Variants in ADGRL2 observed in about 807,000 individuals in gnomAD.
ADGRL2 encodes the protein calcium-independent alpha-latrotoxin receptor 2.
A neutral mutation model predicts 157.4 loss-of-function variants in ADGRL2; 44 were observed. The observed-to-expected ratio is 0.28, with a 90% CI of 0.22 to 0.36. The LOEUF is 0.36. ADGRL2 is among the 10% of genes least tolerant of loss of function. ADGRL2 has a pLI of 1.00. For missense variants in ADGRL2, 1,510 were observed against 1,768.9 expected (o/e 0.85, Z 2.63); for synonymous variants, 585 against 624.7 (o/e 0.94, Z 0.95).
chr1:81,739,348 T>C (rs914701637), intron 1 of ADGRL2, among the ~76,000 whole-genome samples: 2 of 152,170 alleles, frequency 1.3e-5, no homozygotes, highest in Non-Finnish European at 2.9e-5. Context: ...AATGAGATTA[T>C]ACATGTATGC....
chr1:81,766,441 T>C (rs1386275569), intron 2 of ADGRL2, among the ~76,000 whole-genome samples: 4 of 152,202 alleles, frequency 2.6e-5, no homozygotes, highest in South Asian at 2.1e-4. Context: ...TGATGTGTTA[T>C]TGAATTGTAT....
At chr1:81,584,149 G>A (rs1317331680) in intron 3 of ADGRL2, among the ~76,000 whole-genome samples, 2 of 152,106 alleles carry the variant, frequency 1.3e-5, no homozygotes, top group East Asian at 1.9e-4. Flanking sequence ...AGGGCCATTC[G>A]TGACAAACAG....
intron 1 of ADGRL2, among the ~76,000 whole-genome samples, chr1:81,730,227 C>T (rs575473134): frequency 7.0e-4 from 106 of 152,288 alleles, no homozygotes; most frequent in Non-Finnish European, 1.3e-3. Context: ...CACATTGTAA[C>T]AAATACCATT....
intron 4 of ADGRL2, among the ~76,000 whole-genome samples, chr1:81,939,396 G>C (rs1268818132): frequency 1.3e-5 from 2 of 151,512 alleles, no homozygotes; most frequent in Non-Finnish European, 3.0e-5. Flanking sequence ...TTTGCATCCT[G>C]CAAGCAGGAT....
chr1:81,702,395 C>T (rs2083600864), intron 1 of ADGRL2, among the ~76,000 whole-genome samples: 1 of 152,190 alleles, frequency 6.6e-6, no homozygotes, highest in South Asian at 2.1e-4. Context: ...CTCATACATA[C>T]CACCTAAGCT....
chr1:81,649,076 T>A (rs1052334519), intron 3 of ADGRL2, among the ~76,000 whole-genome samples: 3 of 152,100 alleles, frequency 2.0e-5, no homozygotes, highest in African/African-American at 7.2e-5. Flanking sequence ...TCAAACTAAA[T>A]ACCCAAAGAA....
intron 1 of ADGRL2, among the ~76,000 whole-genome samples, chr1:81,329,347 A>G (rs1661120132): frequency 6.6e-6 from 1 of 152,030 alleles, no homozygotes; most frequent in Admixed American, 6.6e-5. Context: ...CCCTATTTTG[A>G]AAGGAGGCTG....
chr1:81,713,001 G>A (rs983707626), intron 1 of ADGRL2, among the ~76,000 whole-genome samples: 6 of 151,900 alleles, frequency 3.9e-5, no homozygotes, highest in Non-Finnish European at 7.4e-5. Flanking sequence ...CAGGTGATCC[G>A]CCCATCTTGG....
intron 2 of ADGRL2, among the ~76,000 whole-genome samples, chr1:81,449,749 G>A (rs2077671477): frequency 6.6e-6 from 1 of 152,062 alleles, no homozygotes; most frequent in Admixed American, 6.6e-5. Context: ...CTACAGGCAT[G>A]TACCACCATT....
chr1:81,794,438 G>A (rs1359954558), intron 2 of ADGRL2, among the ~76,000 whole-genome samples: 2 of 152,114 alleles, frequency 1.3e-5, no homozygotes, highest in Non-Finnish European at 2.9e-5. Flanking sequence ...AAAACCATTC[G>A]AAGAATATAT....
At chr1:81,382,294 C>T (rs1366832005) in intron 1 of ADGRL2, among the ~76,000 whole-genome samples, 1 of 152,106 alleles carries the variant, frequency 6.6e-6, no homozygotes, top group Non-Finnish European at 1.5e-5. Flanking sequence ...ATTTAAAAAT[C>T]ACCCAGATTG....
chr1:81,872,769 T>G lies in ADGRL2; in HGVS notation c.74-34248T>G, dbSNP rs144181742. Reference sequence around the variant, plus strand: ...ATATCTACATGGATATTTTTCTGGATTTTTAAGGACTAATACATAAACAAT... The same window carrying G: ...ATATCTACATGGATATTTTTCTGGAGTTTTAAGGACTAATACATAAACAAT... On this transcript the variant is annotated intron_variant, in intron 2 of 23. Transcript: ENST00000686636. Among the ~76,000 whole-genome samples, 614 of 152,252 alleles carry G rather than the reference T, an allele frequency of 4.0e-3. 4 individuals are homozygous for G. The highest frequency in any genetic ancestry group is 0.013 in the African/African-American group (554 of 41,566).
intron 3 of ADGRL2, among the ~76,000 whole-genome samples, chr1:81,668,735 T>TG (rs1262994839): frequency 6.6e-6 from 1 of 151,448 alleles, no homozygotes; most frequent in Non-Finnish European, 1.5e-5. Flanking sequence ...GCTAATTTTT[T>TG]TTTTTTGTAT....
intron 2 of ADGRL2, among the ~76,000 whole-genome samples, chr1:81,448,666 T>C (rs1453306005): frequency 2.0e-5 from 3 of 151,784 alleles, no homozygotes; most frequent in Non-Finnish European, 4.4e-5. Context: ...CTGGGCAACA[T>C]GGAAAAACTC....
At chr1:81,890,721 G>T (rs2094240155) in intron 2 of ADGRL2, among the ~76,000 whole-genome samples, 1 of 77,666 alleles carries the variant, frequency 1.3e-5, no homozygotes, top group Non-Finnish European at 2.5e-5. Context: ...GGTGTAGGGT[G>T]CAGAGATACA....
At chr1:81,836,834 T>C in intron 1 of ADGRL2, 51 bp from the exon 2 acceptor site, 1 of 508,674 alleles carries the variant, frequency 2.0e-6, no homozygotes, top group Non-Finnish European at 3.5e-6. Context: ...GAGAATTGTT[T>C]TGTTATGTAG....
intron 1 of ADGRL2, among the ~76,000 whole-genome samples, chr1:81,823,243 C>T (rs533549221): frequency 6.6e-6 from 1 of 151,822 alleles, no homozygotes; most frequent in South Asian, 2.1e-4. Flanking sequence ...TTATTCTTTC[C>T]ACTATTCATG....
intron 2 of ADGRL2, among the ~76,000 whole-genome samples, chr1:81,512,936 C>T (rs1450544863): frequency 1.3e-5 from 2 of 151,794 alleles, no homozygotes; most frequent in African/African-American, 4.8e-5. Context: ...TTACCTAGTC[C>T]CCAACGCTTG....
chr1:81,969,089 A>G (rs1003275361), intron 14 of ADGRL2, 89 bp from the exon 15 acceptor site: 9 of 917,236 alleles, frequency 9.8e-6, no homozygotes, highest in African/African-American at 8.2e-5. Flanking sequence ...GTTCAGTAGT[A>G]AAAGATGAGC....
Sources: allele counts gnomAD v4.1 joint callset (sites outside exome capture counted in the v4.1 genomes callset), GRCh38; gene constraint gnomAD v4.1.1; transcripts MANE v1.5; gene names NCBI Gene and HGNC (gene_info 2026-07-23, HGNC 2026-07-21).